The following EPB41L4A variants were observed in gnomAD, a reference collection of about 807,000 sequenced individuals.
The protein encoded by EPB41L4A is band 4.1-like protein 4A.
In EPB41L4A, 100 loss-of-function variants were observed where a neutral mutation model predicts 108.6. The ratio of observed to expected loss-of-function variants is 0.92; its 90% CI spans 0.78 to 1.09. EPB41L4A has a LOEUF of 1.09. EPB41L4A is among the 50% of genes least tolerant of loss of function. EPB41L4A has a pLI of 0.00. For missense variants in EPB41L4A, 1,030 were observed against 842.7 expected (o/e 1.22, Z -2.75); for synonymous variants, 319 against 289.0 (o/e 1.10, Z -1.05).
Position 112,215,769 on chromosome 5 carries a change from A to AAAC in EPB41L4A, c.1088-5788_1088-5787insGTT, listed in dbSNP as rs1554079181. 2.8e-4 allele frequency among the ~76,000 whole-genome samples: 39 copies of AAAC among 139,628 alleles called. 1 individual carries two copies. The highest frequency in any genetic ancestry group is 3.8e-3 in the Middle Eastern group (1 of 262). The allele number at this position is 139,628 out of a possible 152,430, so 91.6% of individuals were successfully genotyped here. A position where few individuals can be genotyped will look rare whatever the true frequency, so the allele number is the denominator to read the frequency against. On this transcript the variant is annotated intron_variant, in intron 12 of 22. Coordinates refer to ENST00000261486, the MANE Select transcript of EPB41L4A (RefSeq NM_022140.5). ...CAGAGTGAGACTCCATCTCAAAAAA[A>AAAC]AAAAAAAACAAAAAAAACAAAAAAA...
chr5:112,386,605 G>C (rs1760547123), intron 1 of EPB41L4A, among the ~76,000 whole-genome samples: 1 of 152,122 alleles, frequency 6.6e-6, no homozygotes, highest in African/African-American at 2.4e-5. Flanking sequence ...TAAGATATTG[G>C]AATGAGCACT....
At chr5:112,268,631 C>A (rs940085836) in intron 4 of EPB41L4A, among the ~76,000 whole-genome samples, 6 of 151,990 alleles carry the variant, frequency 3.9e-5, no homozygotes, top group African/African-American at 1.4e-4. Flanking sequence ...AAGAGGATTG[C>A]TTGAGGCCAA....
intron 18 of EPB41L4A, among the ~76,000 whole-genome samples, chr5:112,175,720 ATATG>A (rs1235299462): frequency 4.0e-5 from 3 of 74,534 alleles, no homozygotes; most frequent in Non-Finnish European, 8.5e-5. Context: ...ATATCTGAAG[ATATG>A]TGTGTGTGTG....
chr5:112,251,429 T>C (rs1325481409), intron 9 of EPB41L4A, among the ~76,000 whole-genome samples: 1 of 152,178 alleles, frequency 6.6e-6, no homozygotes, highest in African/African-American at 2.4e-5. Flanking sequence ...ACACATTCAA[T>C]ACAGTGCTAC....
intron 7 of EPB41L4A, among the ~76,000 whole-genome samples, chr5:112,261,600 G>A (rs189117097): frequency 8.0e-5 from 12 of 150,052 alleles, no homozygotes; most frequent in South Asian, 2.3e-4. Flanking sequence ...GTTAAAACCC[G>A]GATCCAGAAC....
At chr5:112,210,107 T>C (rs1762664205) in intron 12 of EPB41L4A, 125 bp from the exon 13 acceptor site, 7 of 568,280 alleles carry the variant, frequency 1.2e-5, no homozygotes, top group South Asian at 7.1e-5. Flanking sequence ...TGATAAATTA[T>C]AACCCCAAAT....
intron 1 of EPB41L4A, among the ~76,000 whole-genome samples, chr5:112,416,010 A>C (rs986975629): frequency 2.0e-5 from 3 of 152,000 alleles, no homozygotes. Flanking sequence ...TTCCATTTAA[A>C]TGGAAATTAA....
chr5:112,372,301 C>T (rs1759543392), intron 1 of EPB41L4A, among the ~76,000 whole-genome samples: 1 of 152,136 alleles, frequency 6.6e-6, no homozygotes. Flanking sequence ...CATCAGATTT[C>T]ATGAAAACTC....
At chr5:112,213,662 C>T (rs902941210) in intron 12 of EPB41L4A, among the ~76,000 whole-genome samples, 1 of 152,048 alleles carries the variant, frequency 6.6e-6, no homozygotes, top group Non-Finnish European at 1.5e-5. Context: ...CCAACATGTA[C>T]AGTCTTTTTA....
chr5:112,328,198 A>G (rs891532711), intron 1 of EPB41L4A, among the ~76,000 whole-genome samples: 4 of 152,072 alleles, frequency 2.6e-5, no homozygotes, highest in Non-Finnish European at 5.9e-5. Flanking sequence ...AGTCCCAGCT[A>G]CTTTGGAACC....
chr5:112,158,336 G>T, downstream of EPB41L4A: 1 of 267,830 alleles, frequency 3.7e-6, no homozygotes, highest in South Asian at 3.7e-5. Flanking sequence ...ACAATGCTAC[G>T]TGATTCCACA....
At chr5:112,323,816 G>T (rs934365421) in intron 1 of EPB41L4A, among the ~76,000 whole-genome samples, 28 of 152,072 alleles carry the variant, frequency 1.8e-4, no homozygotes, top group African/African-American at 6.8e-4. Flanking sequence ...AGATAAAAAG[G>T]AAACTATATA....
At chr5:112,377,215 G>GAAAAAAAA (rs576720562) in intron 1 of EPB41L4A, among the ~76,000 whole-genome samples, 1,546 of 101,486 alleles carry the variant, frequency 0.015, 7 homozygotes, top group South Asian at 0.029. Flanking sequence ...CTGTTTGTTT[G>GAAAAAAAA]AAAAAAAAAA....
At chr5:112,243,776 T>C (rs1749993210) in intron 9 of EPB41L4A, among the ~76,000 whole-genome samples, 1 of 152,238 alleles carries the variant, frequency 6.6e-6, no homozygotes, top group Non-Finnish European at 1.5e-5. Flanking sequence ...TGCAGTTTCC[T>C]CACCTCTCTT....
Position 112,218,029 on chromosome 5 carries a change from C to T in EPB41L4A, c.1088-8047G>A, listed in dbSNP as rs553517463. ...CTGTGAGTGCACATAAAGGCACTTC[C>T]TCCTCTGCCCTTCCCCCAGTGCTAC... On this transcript the variant is annotated intron_variant, in intron 12 of 22. Coordinates refer to ENST00000261486, the MANE Select transcript of EPB41L4A (RefSeq NM_022140.5). 1.4e-4 allele frequency among the ~76,000 whole-genome samples: 21 copies of T among 152,290 alleles called. 1 individual carries two copies. The East Asian group carries it at 3.3e-3, about 24-fold the overall frequency.
chr5:112,254,487 A>T (rs1214896834), intron 9 of EPB41L4A, among the ~76,000 whole-genome samples: 1 of 152,110 alleles, frequency 6.6e-6, no homozygotes, highest in African/African-American at 2.4e-5. Flanking sequence ...ATGGAGGGTG[A>T]AGCCCAGAGT....
At chr5:112,209,778 G>T (rs1008172761) in intron 13 of EPB41L4A, 114 bp downstream of exon 13, 2 of 602,808 alleles carry the variant, frequency 3.3e-6, no homozygotes, top group East Asian at 5.9e-5. Context: ...GGATCCCATG[G>T]ATCAAAAGTA....
At chr5:112,349,455 G>A (rs912150946) in intron 1 of EPB41L4A, among the ~76,000 whole-genome samples, 1 of 152,154 alleles carries the variant, frequency 6.6e-6, no homozygotes. Flanking sequence ...AGACCGAGGA[G>A]GAGTGGGAAG....
chr5:112,176,580 T>C (rs1440996288), intron 18 of EPB41L4A, among the ~76,000 whole-genome samples: 3 of 152,070 alleles, frequency 2.0e-5, no homozygotes, highest in Admixed American at 1.3e-4. Flanking sequence ...TACAAATCTG[T>C]CAGCTGTACT....
Sources: allele counts gnomAD v4.1 joint callset (sites outside exome capture counted in the v4.1 genomes callset), GRCh38; gene constraint gnomAD v4.1.1; transcripts MANE v1.5; gene names NCBI Gene and HGNC (gene_info 2026-07-23, HGNC 2026-07-21).